Variants in INPP4B observed in about 807,000 individuals in gnomAD.
INPP4B encodes inositol polyphosphate 4-phosphatase type II.
INPP4B carries 55 observed loss-of-function variants against 122.5 expected under a neutral mutation model. That is an observed-to-expected ratio of 0.45 (90% CI 0.36 to 0.56). The LOEUF (loss-of-function observed/expected upper bound fraction) is 0.56. INPP4B is among the 20% of genes least tolerant of loss of function. The pLI, the probability that INPP4B is intolerant of heterozygous loss-of-function variation, is 0.00. For synonymous variants in INPP4B, 403 were observed against 388.7 expected (o/e 1.04, Z -0.43); for missense variants, 1,000 against 1,097.7 (o/e 0.91, Z 1.26).
chr4:142,653,012 G>A (rs1033177876), intron 2 of INPP4B, among the ~76,000 whole-genome samples: 4 of 152,146 alleles, frequency 2.6e-5, no homozygotes, highest in African/African-American at 9.7e-5. Flanking sequence ...CATGGTACTG[G>A]TACCAAAACA....
At chr4:142,692,295 G>T (rs1466202460) in intron 2 of INPP4B, among the ~76,000 whole-genome samples, 1 of 152,008 alleles carries the variant, frequency 6.6e-6, no homozygotes, top group East Asian at 1.9e-4. Context: ...AAATATTGAG[G>T]ATAAAAAAAT....
intron 1 of INPP4B, among the ~76,000 whole-genome samples, chr4:142,752,599 A>C (rs1769896036): frequency 6.6e-6 from 1 of 152,054 alleles, no homozygotes; most frequent in Non-Finnish European, 1.5e-5. Context: ...TCTGGACTTA[A>C]TGAGTCCTTC....
intron 3 of INPP4B, among the ~76,000 whole-genome samples, chr4:142,449,917 T>A (rs2149499247): frequency 6.6e-6 from 1 of 152,264 alleles, no homozygotes; most frequent in East Asian, 1.9e-4. Context: ...CTGTCCTGGA[T>A]TCTAGCCTAG....
intron 25 of INPP4B, among the ~76,000 whole-genome samples, chr4:142,076,231 A>G (rs1390987): frequency 0.9 from 136,956 of 152,092 alleles, 62,838 homozygotes; most frequent in Non-Finnish European, 0.98. Flanking sequence ...CATGAATATA[A>G]GAAGAAGATC....
At chr4:142,427,556 A>T (rs1264399799) in intron 5 of INPP4B, 2 of 572,950 alleles carry the variant, frequency 3.5e-6, no homozygotes, top group Admixed American at 2.8e-5. Flanking sequence ...AGGTCTTTGA[A>T]CAAGATAGAT....
chr4:142,156,373 T>C (rs1301018290), intron 17 of INPP4B, among the ~76,000 whole-genome samples: 1 of 152,134 alleles, frequency 6.6e-6, no homozygotes, highest in Non-Finnish European at 1.5e-5. Context: ...TTTGGTTAAA[T>C]GACATGCTTT....
At chr4:142,058,245 A>G (rs568085575) in intron 25 of INPP4B, among the ~76,000 whole-genome samples, 3 of 152,200 alleles carry the variant, frequency 2.0e-5, no homozygotes, top group Non-Finnish European at 2.9e-5. Flanking sequence ...CAATATTTAA[A>G]TTGAGGGTAA....
At chr4:142,061,268 C>T (rs116448744) in intron 25 of INPP4B, among the ~76,000 whole-genome samples, 2,378 of 152,302 alleles carry the variant, frequency 0.016, 81 homozygotes, top group African/African-American at 0.055. Context: ...TAAAGGTTAG[C>T]TGACAATCTG....
At chr4:142,568,733 T>C (rs1217808951) in intron 2 of INPP4B, among the ~76,000 whole-genome samples, 1 of 152,128 alleles carries the variant, frequency 6.6e-6, no homozygotes, top group East Asian at 1.9e-4. Flanking sequence ...AAAGATGATA[T>C]TACTTGATAG....
At chr4:142,153,940 G>A (rs1319108041) in intron 17 of INPP4B, among the ~76,000 whole-genome samples, 1 of 152,086 alleles carries the variant, frequency 6.6e-6, no homozygotes, top group Non-Finnish European at 1.5e-5. Context: ...CATGAACTTT[G>A]CTTAATCACC....
intron 25 of INPP4B, among the ~76,000 whole-genome samples, chr4:142,066,695 G>T (rs193289442): frequency 7.2e-4 from 110 of 152,320 alleles, no homozygotes; most frequent in Middle Eastern, 3.4e-3. Context: ...TGGCTCCGAG[G>T]GTCCCACACC....
chr4:142,234,107 A>G (rs1188176215), intron 12 of INPP4B, among the ~76,000 whole-genome samples: 1 of 152,216 alleles, frequency 6.6e-6, no homozygotes, highest in Non-Finnish European at 1.5e-5. Flanking sequence ...CTGTAGATTC[A>G]GGAATCTTTT....
At chr4:142,370,063 G>A (rs1789268743) in intron 7 of INPP4B, among the ~76,000 whole-genome samples, 1 of 152,050 alleles carries the variant, frequency 6.6e-6, no homozygotes. Context: ...CATATTGCTT[G>A]CTTAAACAGT....
rs1334484825 is a variant in INPP4B, at chr4:142,024,566, G to T, written c.*4216C>A. 6.6e-6 allele frequency: 1 copy of T among 151,936 alleles called. No individual in the cohort carries two copies. The highest frequency in any genetic ancestry group is 1.5e-5 in the Non-Finnish European group (1 of 67,994). 9.4% of individuals were successfully genotyped at this position (151,936 alleles called of 1,614,324 possible). ...GACTACAAATGGTGCCTCATATATT[G>T]AACCAAACAAATGATATACCATCCT... On this transcript the variant is annotated 3_prime_UTR_variant, in exon 26 of 26. Transcript: ENST00000262992.
intron 2 of INPP4B, among the ~76,000 whole-genome samples, chr4:142,544,081 G>A (rs1829248538): frequency 6.6e-6 from 1 of 150,528 alleles, no homozygotes. Context: ...TAGAGACTCT[G>A]GGGCCTACTC....
At chr4:142,515,558 A>G (rs982033048) in intron 2 of INPP4B, among the ~76,000 whole-genome samples, 1 of 152,136 alleles carries the variant, frequency 6.6e-6, no homozygotes, top group East Asian at 1.9e-4. Flanking sequence ...CCAAGGGTGT[A>G]AGGGAATTCA....
chr4:142,565,734 T>G (rs1039477219), intron 2 of INPP4B, among the ~76,000 whole-genome samples: 1 of 152,176 alleles, frequency 6.6e-6, no homozygotes, highest in Non-Finnish European at 1.5e-5. Context: ...ATAGTGCCTT[T>G]GTAGTGAAGA....
intron 18 of INPP4B, among the ~76,000 whole-genome samples, chr4:142,145,585 C>G (rs1031847411): frequency 2.0e-5 from 3 of 151,778 alleles, no homozygotes; most frequent in African/African-American, 2.4e-5. Context: ...AGCCTTAAAA[C>G]ACTGTTCTTT....
At chr4:142,495,349 A>AACGCACACAC (rs1822405296) in intron 2 of INPP4B, among the ~76,000 whole-genome samples, 1 of 152,048 alleles carries the variant, frequency 6.6e-6, no homozygotes, top group South Asian at 2.1e-4. Context: ...ACACATATGA[A>AACGCACACAC]ACGCACACAC....
Sources: allele counts gnomAD v4.1 joint callset (sites outside exome capture counted in the v4.1 genomes callset), GRCh38; gene constraint gnomAD v4.1.1; transcripts MANE v1.5; gene names NCBI Gene and HGNC (gene_info 2026-07-23, HGNC 2026-07-21).